Variants in ZNF385D observed in about 807,000 individuals in gnomAD.
ZNF385D encodes zinc finger protein 659.
In ZNF385D, 15 loss-of-function variants were observed where a neutral mutation model predicts 35.8. That is an observed-to-expected ratio of 0.42 (90% CI 0.28 to 0.64). The LOEUF (loss-of-function observed/expected upper bound fraction) is 0.64. ZNF385D is among the 30% of genes least tolerant of loss of function. ZNF385D has a pLI of 0.23. For synonymous variants in ZNF385D, 212 were observed against 186.8 expected (o/e 1.13, Z -1.10); for missense variants, 474 against 494.6 (o/e 0.96, Z 0.39).
chr3:21,825,893 C>A (rs1454089383), intron 3 of ZNF385D, among the ~76,000 whole-genome samples: 1 of 152,184 alleles, frequency 6.6e-6, no homozygotes, highest in Non-Finnish European at 1.5e-5. Context: ...GAGCTCCGCT[C>A]CTTTCCCACC....
chr3:22,144,472 G>A (rs939207723), intron 3 of ZNF385D, among the ~76,000 whole-genome samples: 3 of 150,394 alleles, frequency 2.0e-5, no homozygotes, highest in African/African-American at 7.3e-5. Context: ...TACTGCGGAG[G>A]CTAAGGCAGG....
chr3:21,463,770 A>G (rs1284688599), intron 4 of ZNF385D, among the ~76,000 whole-genome samples: 1 of 152,210 alleles, frequency 6.6e-6, no homozygotes, highest in African/African-American at 2.4e-5. Flanking sequence ...TTTCAATGAC[A>G]GAGTTTACTA....
chr3:21,421,109 C>T lies in ZNF385D; in HGVS notation c.*105G>A. Reference sequence around the variant, plus strand: ...TTCACTATCAAAAGTCCTGGCTCTTCAGATATACTTTAAACTATAAATAAA... The same window carrying T: ...TTCACTATCAAAAGTCCTGGCTCTTTAGATATACTTTAAACTATAAATAAA... On this transcript the variant is annotated 3_prime_UTR_variant, in exon 8 of 8. Transcript: ENST00000281523. 1.7e-6 allele frequency: 1 copy of T among 603,650 alleles called. No individual in the cohort carries two copies. The highest frequency in any genetic ancestry group is 3.1e-5 in the South Asian group (1 of 32,242). 37.4% of individuals were successfully genotyped at this position (603,650 alleles called of 1,614,324 possible).
At chr3:22,289,383 T>A (rs1268419058) in intron 2 of ZNF385D, among the ~76,000 whole-genome samples, 3 of 152,130 alleles carry the variant, frequency 2.0e-5, no homozygotes, top group African/African-American at 7.2e-5. Context: ...CCAGAGAGAA[T>A]CTACAGACTT....
intron 2 of ZNF385D, among the ~76,000 whole-genome samples, chr3:21,651,005 C>G (rs145999711): frequency 5.9e-5 from 9 of 151,830 alleles, no homozygotes; most frequent in Admixed American, 4.6e-4. Flanking sequence ...AAGGGCCAGG[C>G]GCGGTGGCTC....
At chr3:22,122,566 C>G (rs1219990191) in intron 3 of ZNF385D, among the ~76,000 whole-genome samples, 2 of 151,964 alleles carry the variant, frequency 1.3e-5, no homozygotes, top group East Asian at 1.9e-4. Flanking sequence ...TGACAAAGCT[C>G]TCTGCATTTG....
At chr3:22,060,647 A>T (rs1559338719) in intron 3 of ZNF385D, among the ~76,000 whole-genome samples, 1 of 152,124 alleles carries the variant, frequency 6.6e-6, no homozygotes, top group Non-Finnish European at 1.5e-5. Flanking sequence ...AAATACGTTA[A>T]CAGCCATGGA....
intron 1 of ZNF385D, among the ~76,000 whole-genome samples, chr3:21,670,054 T>A (rs1241286607): frequency 6.6e-6 from 1 of 152,070 alleles, no homozygotes; most frequent in East Asian, 1.9e-4. Flanking sequence ...TTTCCCCAGG[T>A]GACAAAACTG....
intron 2 of ZNF385D, among the ~76,000 whole-genome samples, chr3:21,652,640 A>G (rs569322009): frequency 2.4e-5 from 3 of 126,912 alleles, no homozygotes; most frequent in South Asian, 3.1e-4. Flanking sequence ...CAACCCCACA[A>G]CAGTCCCCGA....
At chr3:21,927,149 C>A (rs1007426262) in intron 3 of ZNF385D, among the ~76,000 whole-genome samples, 1 of 152,106 alleles carries the variant, frequency 6.6e-6, no homozygotes, top group Non-Finnish European at 1.5e-5. Flanking sequence ...CACTGTCTTG[C>A]CCTGTAATGC....
At chr3:22,085,041 C>A (rs1435709038) in intron 3 of ZNF385D, among the ~76,000 whole-genome samples, 1 of 152,056 alleles carries the variant, frequency 6.6e-6, no homozygotes, top group Non-Finnish European at 1.5e-5. Context: ...AACAAAGACA[C>A]AACATATCAG....
intron 2 of ZNF385D, among the ~76,000 whole-genome samples, chr3:22,261,261 A>G (rs754985017): frequency 1.3e-5 from 2 of 151,982 alleles, no homozygotes; most frequent in Non-Finnish European, 2.9e-5. Flanking sequence ...GAGACAGAGA[A>G]CCAGCTAGAC....
At chr3:21,578,796 G>T (rs2063568482) in intron 2 of ZNF385D, among the ~76,000 whole-genome samples, 1 of 152,060 alleles carries the variant, frequency 6.6e-6, no homozygotes, top group Non-Finnish European at 1.5e-5. Context: ...TTTTTGTTCT[G>T]CATTGCTTTG....
At chr3:21,964,930 A>G (rs911740747) in intron 3 of ZNF385D, among the ~76,000 whole-genome samples, 2 of 152,226 alleles carry the variant, frequency 1.3e-5, no homozygotes, top group African/African-American at 2.4e-5. Flanking sequence ...ACATAGGAAG[A>G]TGCATATATT....
chr3:21,556,074 T>C lies in ZNF385D; in HGVS notation c.276+8500A>G, dbSNP rs113147316. On this transcript the variant is annotated intron_variant, in intron 3 of 7. Coordinates refer to ENST00000281523, the MANE Select transcript of ZNF385D (RefSeq NM_024697.3). ...TGACGTTTTTTTTGTTTTTGTTTTT[T>C]TTTTTTTTTTTTTGTAAATTTAAGT... Among the ~76,000 whole-genome samples the C allele has an allele frequency of 8.6e-4, 121 of 140,060 alleles. 1 individual carries two copies. The highest frequency in any genetic ancestry group is 3.1e-3 in the African/African-American group (113 of 36,638). 91.9% of individuals were successfully genotyped at this position (140,060 alleles called of 152,430 possible).
At chr3:22,248,399 A>C (rs1037010382) in intron 2 of ZNF385D, among the ~76,000 whole-genome samples, 4 of 152,184 alleles carry the variant, frequency 2.6e-5, no homozygotes, top group Non-Finnish European at 5.9e-5. Context: ...AGCACTGAGG[A>C]TATAGAGAAG....
chr3:22,099,824 C>T (rs1487627549), intron 3 of ZNF385D, among the ~76,000 whole-genome samples: 1 of 151,804 alleles, frequency 6.6e-6, no homozygotes, highest in Admixed American at 6.6e-5. Flanking sequence ...GGAGTGGGGG[C>T]TACTACTGTA....
intron 2 of ZNF385D, among the ~76,000 whole-genome samples, chr3:21,649,164 A>G (rs1228692480): frequency 6.6e-6 from 1 of 152,174 alleles, no homozygotes; most frequent in Non-Finnish European, 1.5e-5. Flanking sequence ...ATTCAGAAGC[A>G]CTGCTCTATA....
chr3:21,833,185 G>A (rs1465067128), intron 3 of ZNF385D, among the ~76,000 whole-genome samples: 3 of 152,248 alleles, frequency 2.0e-5, no homozygotes, highest in South Asian at 2.1e-4. Flanking sequence ...CTGTATTATT[G>A]AGTTTTCTTT....
Sources: allele counts gnomAD v4.1 joint callset (sites outside exome capture counted in the v4.1 genomes callset), GRCh38; gene constraint gnomAD v4.1.1; transcripts MANE v1.5; gene names NCBI Gene and HGNC (gene_info 2026-07-23, HGNC 2026-07-21).